The following SUCLG2 variants were observed in gnomAD, a reference collection of about 807,000 sequenced individuals.
SUCLG2 encodes succinate--CoA ligase [GDP-forming] subunit beta, mitochondrial.
SUCLG2 carries 42 observed loss-of-function variants against 47.9 expected under a neutral mutation model. That is an observed-to-expected ratio of 0.88 (90% confidence interval 0.69 to 1.14). The LOEUF is 1.14. Ranked by LOEUF, SUCLG2 falls within the 50% of genes most tolerant of loss-of-function variation. The pLI is 0.00. For synonymous variants in SUCLG2, 195 were observed against 197.3 expected, an observed-to-expected ratio of 0.99 and a Z score of 0.10; for missense variants, 571 against 525.9, an observed-to-expected ratio of 1.09 and a Z score of -0.84.
intron 1 of SUCLG2, among the ~76,000 whole-genome samples, chr3:67,614,868 C>T (rs960415092): frequency 3.3e-5 from 5 of 152,120 alleles, no homozygotes; most frequent in African/African-American, 1.2e-4. Flanking sequence ...GACTAATTCC[C>T]AGCTTTTTTC....
At chr3:67,462,963 A>G (rs752643325) in intron 9 of SUCLG2, among the ~76,000 whole-genome samples, 8 of 152,232 alleles carry the variant, frequency 5.3e-5, no homozygotes, top group Non-Finnish European at 1.2e-4. Flanking sequence ...ATTTGATCAC[A>G]GAAGTCTTCT....
Position 67,598,893 on chromosome 3 carries a change from A to C in SUCLG2, c.226+10562T>G, listed in dbSNP as rs542172664. The stretch of plus-strand genomic sequence containing the variant: ...TTACAGCACAGCTAAAAAGGATGGG[A>C]CTATGCTTCAAACTAAGGCAGTCTC... On this transcript the variant is annotated intron_variant, in intron 2 of 10. Coordinates refer to ENST00000307227, the MANE Select transcript of SUCLG2 (RefSeq NM_003848.4). Among the ~76,000 whole-genome samples the C allele has an allele frequency of 8.5e-5, 13 of 152,316 alleles. No homozygotes were observed. In the South Asian group the frequency reaches 2.7e-3, roughly 32 times the overall value.
rs368506008 is a variant in SUCLG2 at position 67,546,456 on chromosome 3, C to G, written c.227-17270G>C. ...TGCACTAATGATTCATATTTCAGGCCGGGCAGGGTGGCTCACACCTGTAAT... is the reference window on the plus strand; with the variant it reads ...TGCACTAATGATTCATATTTCAGGCGGGGCAGGGTGGCTCACACCTGTAAT... On this transcript the variant is annotated intron_variant, in intron 2 of 10. Coordinates refer to ENST00000307227, the MANE Select transcript of SUCLG2 (RefSeq NM_003848.4). Among the ~76,000 whole-genome samples the G allele has an allele frequency of 2.0e-5, 3 of 152,204 alleles. No individual in the cohort carries two copies. The East Asian group carries it at 5.8e-4, about 29-fold the overall frequency.
At chr3:67,568,254 G>A (rs944771820) in intron 2 of SUCLG2, among the ~76,000 whole-genome samples, 1 of 152,158 alleles carries the variant, frequency 6.6e-6, no homozygotes. Flanking sequence ...ACAGACTGAG[G>A]GGCATGGTTT....
chr3:67,449,779 A>C (rs1704010610), intron 9 of SUCLG2, among the ~76,000 whole-genome samples: 1 of 151,902 alleles, frequency 6.6e-6, no homozygotes, highest in South Asian at 2.1e-4. Context: ...ATGCCCAGCT[A>C]ATTTGTGTAT....
chr3:67,389,818 G>A (rs1702340849), intron 10 of SUCLG2, among the ~76,000 whole-genome samples: 1 of 152,058 alleles, frequency 6.6e-6, no homozygotes, highest in Admixed American at 6.5e-5. Flanking sequence ...TATTTGACCT[G>A]ACATTACACT....
intron 9 of SUCLG2, among the ~76,000 whole-genome samples, chr3:67,428,634 G>A (rs932181840): frequency 4.6e-5 from 7 of 151,874 alleles, no homozygotes; most frequent in African/African-American, 7.2e-5. Context: ...TCAGACGATC[G>A]GTAATAACAA....
intron 9 of SUCLG2, among the ~76,000 whole-genome samples, chr3:67,458,739 A>T (rs1180167084): frequency 6.6e-6 from 1 of 152,228 alleles, no homozygotes; most frequent in Non-Finnish European, 1.5e-5. Flanking sequence ...CCACCCCACC[A>T]GTCAGGAAGA....
At chr3:67,523,383 T>C (rs193279162) in intron 4 of SUCLG2, among the ~76,000 whole-genome samples, 61 of 152,310 alleles carry the variant, frequency 4.0e-4, no homozygotes, top group African/African-American at 1.4e-3. Context: ...GCACATGGTG[T>C]TAGAATTAGC....
At chr3:67,464,946 G>A (rs527623492) in intron 9 of SUCLG2, among the ~76,000 whole-genome samples, 11 of 152,290 alleles carry the variant, frequency 7.2e-5, no homozygotes, top group African/African-American at 2.4e-4. Flanking sequence ...AGTGAGAGCT[G>A]CCAGGACGAA....
At chr3:67,590,283 G>T (rs114924925) in intron 2 of SUCLG2, among the ~76,000 whole-genome samples, 3,444 of 152,306 alleles carry the variant, frequency 0.023, 61 homozygotes, top group Non-Finnish European at 0.036. Context: ...TCCAGCAAGT[G>T]AGAATGATGA....
intron 1 of SUCLG2, among the ~76,000 whole-genome samples, chr3:67,622,786 A>G (rs1194265182): frequency 6.6e-6 from 1 of 152,240 alleles, no homozygotes; most frequent in African/African-American, 2.4e-5. Flanking sequence ...CCAAAAGTCC[A>G]TGTGACACAT....
intron 1 of SUCLG2, among the ~76,000 whole-genome samples, chr3:67,652,785 T>C (rs1407583334): frequency 6.6e-6 from 1 of 152,218 alleles, no homozygotes; most frequent in Non-Finnish European, 1.5e-5. Context: ...TCGTTGAATA[T>C]GTCATTGAAC....
intron 9 of SUCLG2, among the ~76,000 whole-genome samples, chr3:67,454,031 A>G (rs1344634909): frequency 1.3e-5 from 2 of 152,246 alleles, no homozygotes; most frequent in Non-Finnish European, 2.9e-5. Context: ...CAAGAAAATT[A>G]GAAGTTAATA....
intron 9 of SUCLG2, among the ~76,000 whole-genome samples, chr3:67,401,394 T>C (rs1016202803): frequency 6.6e-6 from 1 of 152,144 alleles, no homozygotes; most frequent in Non-Finnish European, 1.5e-5. Flanking sequence ...TTAATTATCT[T>C]AGACAGCAAC....
At chr3:67,424,995 C>G (rs1703261411) in intron 9 of SUCLG2, among the ~76,000 whole-genome samples, 1 of 152,104 alleles carries the variant, frequency 6.6e-6, no homozygotes, top group Non-Finnish European at 1.5e-5. Flanking sequence ...GCTCATTGAG[C>G]CTACTCAACA....
intron 1 of SUCLG2, among the ~76,000 whole-genome samples, chr3:67,621,704 C>G (rs577278646): frequency 1.3e-5 from 2 of 152,190 alleles, no homozygotes; most frequent in African/African-American, 4.8e-5. Flanking sequence ...ACTCTCAGCC[C>G]CTTCACCATG....
intron 1 of SUCLG2, among the ~76,000 whole-genome samples, chr3:67,632,813 T>G (rs1700949584): frequency 6.6e-6 from 1 of 152,222 alleles, no homozygotes. Flanking sequence ...GTCTATGACC[T>G]TAATCACTTT....
At chr3:67,566,689 A>G (rs1368368093) in intron 2 of SUCLG2, among the ~76,000 whole-genome samples, 3 of 152,180 alleles carry the variant, frequency 2.0e-5, no homozygotes, top group Non-Finnish European at 4.4e-5. Context: ...TTTAAATTAT[A>G]TCTTATTCAT....
Sources: allele counts gnomAD v4.1 joint callset (sites outside exome capture counted in the v4.1 genomes callset), GRCh38; gene constraint gnomAD v4.1.1; transcripts MANE v1.5; gene names NCBI Gene and HGNC (gene_info 2026-07-23, HGNC 2026-07-21).